ENOX1: variants seen among roughly 807,000 people sequenced by gnomAD.
The protein encoded by ENOX1 is candidate growth-related and time keeping constitutive hydroquinone (NADH) oxidase.
A neutral mutation model predicts 82.5 loss-of-function variants in ENOX1; 42 were observed. The ratio of observed to expected loss-of-function variants is 0.51; its 90% CI spans 0.40 to 0.66. The LOEUF is 0.66. Among genes scored for constraint, ENOX1 ranks in the 30% least tolerant of loss-of-function variants. ENOX1 has a pLI of 0.00. For missense variants in ENOX1, 608 were observed against 811.6 expected, an observed-to-expected ratio of 0.75 and a Z score of 3.05; for synonymous variants, 271 against 282.2, an observed-to-expected ratio of 0.96 and a Z score of 0.40.
chr13:43,708,103 A>G (rs1402745903), intron 1 of ENOX1, among the ~76,000 whole-genome samples: 1 of 152,208 alleles, frequency 6.6e-6, no homozygotes, highest in Non-Finnish European at 1.5e-5. Context: ...TCCTAATAAG[A>G]TCTCAGGAGT....
intron 1 of ENOX1, among the ~76,000 whole-genome samples, chr13:43,776,717 T>C (rs1951939519): frequency 6.6e-6 from 1 of 151,566 alleles, no homozygotes; most frequent in Non-Finnish European, 1.5e-5. Context: ...CTGGAATCTG[T>C]GGGACAAAGT....
intron 2 of ENOX1, among the ~76,000 whole-genome samples, chr13:43,646,155 C>T (rs1192806808): frequency 6.6e-6 from 1 of 152,204 alleles, no homozygotes; most frequent in Non-Finnish European, 1.5e-5. Context: ...CCCTCAAGCT[C>T]TACAAGATGA....
At chr13:43,389,303 G>A (rs182345810) in intron 5 of ENOX1, among the ~76,000 whole-genome samples, 4 of 152,290 alleles carry the variant, frequency 2.6e-5, no homozygotes. Context: ...ACTGGAAACA[G>A]CTCAAAGACT....
At chr13:43,593,051 G>T (rs991849369) in intron 2 of ENOX1, among the ~76,000 whole-genome samples, 3 of 152,184 alleles carry the variant, frequency 2.0e-5, no homozygotes, top group African/African-American at 7.2e-5. Flanking sequence ...TATAGTAACA[G>T]AATACATGCC....
chr13:43,664,028 G>C (rs1188054046), intron 2 of ENOX1, among the ~76,000 whole-genome samples: 1 of 152,114 alleles, frequency 6.6e-6, no homozygotes, highest in African/African-American at 2.4e-5. Flanking sequence ...TATTTTAACT[G>C]ATTTGTGTAC....
At chr13:43,701,150 T>C (rs2086886997) in intron 1 of ENOX1, among the ~76,000 whole-genome samples, 1 of 152,194 alleles carries the variant, frequency 6.6e-6, no homozygotes, top group African/African-American at 2.4e-5. Context: ...ATTATCACAA[T>C]GTTAATTTTT....
chr13:43,355,964 G>A lies in ENOX1; in HGVS notation c.778C>T (p.His260Tyr). Residue 260 changes from histidine to tyrosine, a missense_variant, in exon 8 of 17, where the codon CAC becomes TAC. Physicochemically the swap from His to Tyr is moderately conservative, Grantham distance 83. Transcript: ENST00000690772. ...AGAGCGGCTTCGTGCTCCGAGTAGT[G>A]CATTATGGCAGGCGGGGATGGGGGC... is the stretch of plus-strand genomic sequence containing the variant. The part of the protein sequence containing the change: ...LRPPSPPAIM[H>Y]YSEHEAALLA... 2 of 1,614,074 alleles carry A rather than the reference G, an allele frequency of 1.2e-6. No individual in the cohort carries two copies. Among genetic ancestry groups the A allele is most frequent in the Non-Finnish European group, 1.7e-6 (2 of 1,180,044 alleles).
chr13:43,717,885 T>C (rs1180401427), intron 1 of ENOX1, among the ~76,000 whole-genome samples: 1 of 151,920 alleles, frequency 6.6e-6, no homozygotes, highest in African/African-American at 2.4e-5. Flanking sequence ...TCAAAAAATA[T>C]GATGCTGGTG....
At chr13:43,290,888 G>A (rs747053141) in intron 12 of ENOX1, among the ~76,000 whole-genome samples, 22 of 152,114 alleles carry the variant, frequency 1.4e-4, no homozygotes, top group Admixed American at 3.3e-4. Context: ...TTAACCAGGC[G>A]CAGTGACACA....
At chr13:43,528,582 T>TA (rs2153686688) in intron 2 of ENOX1, among the ~76,000 whole-genome samples, 1 of 152,218 alleles carries the variant, frequency 6.6e-6, no homozygotes, top group East Asian at 1.9e-4. Context: ...ATTGTCCATT[T>TA]AAAAAATTGT....
intron 2 of ENOX1, among the ~76,000 whole-genome samples, chr13:43,562,607 A>T (rs963082193): frequency 1.3e-5 from 2 of 152,096 alleles, no homozygotes; most frequent in African/African-American, 2.4e-5. Flanking sequence ...ACAAAACTAA[A>T]CTAAACAAAA....
chr13:43,625,085 CAT>C (rs1184863132), intron 2 of ENOX1, among the ~76,000 whole-genome samples: 18 of 151,932 alleles, frequency 1.2e-4, no homozygotes, highest in Admixed American at 3.3e-4. Context: ...ATTTCTTATA[CAT>C]GTTTTGTTAT....
chr13:43,479,959 G>T (rs531890627), intron 3 of ENOX1, among the ~76,000 whole-genome samples: 1 of 150,660 alleles, frequency 6.6e-6, no homozygotes, highest in South Asian at 2.1e-4. Flanking sequence ...TTTTGAGACA[G>T]AGCTGTTCTC....
chr13:43,697,477 A>C (rs2153807162), intron 1 of ENOX1, among the ~76,000 whole-genome samples: 1 of 152,320 alleles, frequency 6.6e-6, no homozygotes, highest in Admixed American at 6.5e-5. Context: ...AATGTTCTGA[A>C]GGACAGTGCA....
intron 2 of ENOX1, among the ~76,000 whole-genome samples, chr13:43,494,856 T>C (rs988891509): frequency 6.6e-6 from 1 of 152,026 alleles, no homozygotes; most frequent in African/African-American, 2.4e-5. Context: ...AAAAGTAGGG[T>C]TGGATGGAAG....
At chr13:43,369,576 G>A (rs1310925828) in intron 5 of ENOX1, among the ~76,000 whole-genome samples, 5 of 152,148 alleles carry the variant, frequency 3.3e-5, no homozygotes, top group South Asian at 2.1e-4. Context: ...AAACACACAC[G>A]TCTTGTCTGT....
chr13:43,648,229 C>T (rs2083989506), intron 2 of ENOX1, among the ~76,000 whole-genome samples: 1 of 152,196 alleles, frequency 6.6e-6, no homozygotes, highest in Admixed American at 6.5e-5. Flanking sequence ...AACAGGAAAG[C>T]ATGTATTTAC....
intron 12 of ENOX1, among the ~76,000 whole-genome samples, chr13:43,296,815 C>G (rs1168457082): frequency 1.3e-5 from 2 of 152,164 alleles, no homozygotes; most frequent in African/African-American, 4.8e-5. Context: ...CTGGGATAAT[C>G]TTTTCTAGAG....
At chr13:43,436,962 T>C (rs919516638) in intron 3 of ENOX1, among the ~76,000 whole-genome samples, 2 of 152,134 alleles carry the variant, frequency 1.3e-5, no homozygotes, top group Non-Finnish European at 2.9e-5. Flanking sequence ...AAATGACAAG[T>C]AATAAATGGA....
Sources: gnomAD v4.1 joint callset for allele counts (sites outside exome capture counted in the v4.1 genomes callset) on GRCh38, gnomAD v4.1.1 for gene constraint, MANE v1.5 for transcripts, NCBI Gene and HGNC (gene_info 2026-07-23, HGNC 2026-07-21) for gene names.